The following GUCY1B1 variants were observed in gnomAD, a reference collection of about 807,000 sequenced individuals.
GUCY1B1 encodes the protein guanylate cyclase soluble subunit beta-1.
Under a neutral mutation model 71.0 loss-of-function variants are expected in GUCY1B1, and 43 were observed. The observed-to-expected ratio is 0.61, with a 90% CI of 0.47 to 0.78. The LOEUF is 0.78. Among genes scored for constraint, GUCY1B1 ranks in the 30% least tolerant of loss-of-function variants. The pLI is 0.00. For missense variants in GUCY1B1, 535 were observed against 754.1 expected (o/e 0.71, Z 3.40); for synonymous variants, 266 against 259.7 (o/e 1.02, Z -0.23).
intron 1 of GUCY1B1, 98 bp downstream of exon 1, chr4:155,759,241 C>A: frequency 8.0e-7 from 1 of 1,255,476 alleles, no homozygotes; most frequent in Non-Finnish European, 1.1e-6. Context: ...GGCTCGGGGG[C>A]CCTGGGCGCT....
chr4:155,776,513 T>C (rs1221114848), intron 3 of GUCY1B1, among the ~76,000 whole-genome samples: 2 of 151,924 alleles, frequency 1.3e-5, no homozygotes, highest in Non-Finnish European at 2.9e-5. Flanking sequence ...CTACTAAAAA[T>C]ACAAAAATTA....
chr4:155,805,291 G>A (rs914297522), intron 13 of GUCY1B1, 62 bp downstream of exon 13: 102 of 1,302,704 alleles, frequency 7.8e-5, no homozygotes, highest in Non-Finnish European at 1.1e-4. Context: ...GAAAACTAAA[G>A]CAAAATCACT....
intron 4 of GUCY1B1, among the ~76,000 whole-genome samples, chr4:155,784,635 C>T (rs1164963288): frequency 1.3e-5 from 2 of 152,104 alleles, no homozygotes; most frequent in Non-Finnish European, 2.9e-5. Flanking sequence ...TCTTGCAGAT[C>T]TAAACTGCAG....
chr4:155,774,756 A>G (rs1252618090), intron 2 of GUCY1B1, among the ~76,000 whole-genome samples: 1 of 152,172 alleles, frequency 6.6e-6, no homozygotes, highest in East Asian at 1.9e-4. Context: ...ATATACTTAA[A>G]TATATCATTT....
Position 155,793,769 on chromosome 4 carries a change from A to G in GUCY1B1, c.496-87A>G, listed in dbSNP as rs977693269. ...TTTTTGTAATTAATCTTCTAAATGC[A>G]GTATTCATAACTCATTTTTTATATT... On this transcript the variant is annotated intron_variant, in intron 5 of 13. Transcript: ENST00000264424. 3 of 651,678 alleles carry G rather than the reference A, an allele frequency of 4.6e-6. No individual in the cohort carries two copies. In the African/African-American group the frequency reaches 5.5e-5, roughly 12 times the overall value. 40.4% of individuals were successfully genotyped at this position (651,678 alleles called of 1,614,324 possible).
rs1264814361 is a variant in GUCY1B1, at chr4:155,802,392, A to G, written c.1226A>G (p.Lys409Arg). Residue 409 changes from lysine to arginine, a missense_variant, in exon 10 of 14, where the codon AAG (lysine) becomes AGG (arginine). Lys to Arg is a conservative substitution (Grantham distance 26). Coordinates refer to ENST00000264424, the MANE Select transcript of GUCY1B1 (RefSeq NM_000857.5). This position sits in a 1 kb window ranked among gnomAD's most constrained non-coding sequence, Gnocchi z 4.3. ...PPSVANELRHKRPVPAKRYDN... is the reference protein window; with the variant it reads ...PPSVANELRHRRPVPAKRYDN... ...TCTGTTGCCAATGAGCTGCGGCACA[A>G]GCGTCCAGTGCCTGCCAAAAGATAT... 1 of 1,613,496 alleles carries G rather than the reference A, an allele frequency of 6.2e-7. No homozygotes were observed. Among genetic ancestry groups the G allele is most frequent in the Non-Finnish European group, 8.5e-7 (1 of 1,179,604 alleles).
Position 155,804,762 on chromosome 4 carries a change from C to G in GUCY1B1, c.1709+15C>G, listed in dbSNP as rs1358050292. The stretch of plus-strand genomic sequence containing the variant: ...TATACATACAGGTGAGAGAAAATGT[C>G]TTGGTATTTACTGATTTGCAAAGAA... On this transcript the variant is annotated intron_variant, in intron 12 of 13. Coordinates refer to ENST00000264424, the MANE Select transcript of GUCY1B1 (RefSeq NM_000857.5). 6.2e-7 allele frequency: 1 copy of G among 1,601,908 alleles called. No individual in the cohort carries two copies. The highest frequency in any genetic ancestry group is 1.7e-5 in the Admixed American group (1 of 58,844).
chr4:155,787,753 T>C (rs910567347), intron 4 of GUCY1B1, among the ~76,000 whole-genome samples: 3 of 152,228 alleles, frequency 2.0e-5, no homozygotes, highest in Non-Finnish European at 4.4e-5. Context: ...AGAAAATTAA[T>C]GCTGTAAGTG....
intron 2 of GUCY1B1, among the ~76,000 whole-genome samples, chr4:155,761,356 A>ATG (rs1288013802): frequency 6.6e-6 from 1 of 152,102 alleles, no homozygotes; most frequent in African/African-American, 2.4e-5. Context: ...TGCTATATAT[A>ATG]TATATATTCT....
At chr4:155,783,685 T>C (rs1016152663) in intron 4 of GUCY1B1, among the ~76,000 whole-genome samples, 29 of 152,328 alleles carry the variant, frequency 1.9e-4, no homozygotes, top group African/African-American at 6.7e-4. Context: ...CAATCTGAGA[T>C]TGATGACTGA....
Position 155,793,837 on chromosome 4 carries a change from T to C in GUCY1B1, c.496-19T>C. The C allele has an allele frequency of 9.3e-7, 1 of 1,070,940 alleles. No homozygotes were observed. Among genetic ancestry groups the C allele is most frequent in the Non-Finnish European group, 1.5e-6 (1 of 687,446 alleles). 66.3% of individuals were successfully genotyped at this position (1,070,940 alleles called of 1,614,324 possible). On this transcript the variant is annotated intron_variant, in intron 5 of 13. Transcript: ENST00000264424. ...CTGAAATGAAGACAATTCATGCCAT[T>C]TCCCCCTTTGATATCCAGGTTATTC...
intron 2 of GUCY1B1, among the ~76,000 whole-genome samples, chr4:155,760,217 G>A (rs1199950042): frequency 2.6e-5 from 4 of 152,166 alleles, no homozygotes; most frequent in Non-Finnish European, 4.4e-5. Context: ...ACGGGCCTCC[G>A]CGAGGTTCCT....
intron 6 of GUCY1B1, among the ~76,000 whole-genome samples, chr4:155,794,859 T>A (rs1739439077): frequency 6.6e-6 from 1 of 152,188 alleles, no homozygotes; most frequent in South Asian, 2.1e-4. Flanking sequence ...TGTTCTGGCA[T>A]GAGAATAGAA....
chr4:155,806,497 G>T lies in GUCY1B1; in HGVS notation c.*88G>T, dbSNP rs1412735026. On this transcript the variant is annotated 3_prime_UTR_variant, in exon 14 of 14. Transcript: ENST00000264424. ...AAGCCCAGGAGCAGTTCTTCCCTAT[G>T]GATACAGATTTTCTTTTGTCCTTGT... The T allele has an allele frequency of 1.2e-6, 1 of 831,444 alleles. No individual in the cohort carries two copies. The highest frequency in any genetic ancestry group is 1.7e-5 in the African/African-American group (1 of 59,362). The allele number at this position is 831,444 out of a possible 1,614,324, so 51.5% of individuals were successfully genotyped here.
intron 4 of GUCY1B1, among the ~76,000 whole-genome samples, chr4:155,786,461 C>CTT (rs70954058): frequency 9.4e-4 from 35 of 37,158 alleles, no homozygotes; most frequent in Non-Finnish European, 1.2e-3. Flanking sequence ...TTCTTTCTTT[C>CTT]TTTTTTTTTT....
intron 5 of GUCY1B1, among the ~76,000 whole-genome samples, chr4:155,790,954 G>A (rs1739112191): frequency 6.6e-6 from 1 of 152,052 alleles, no homozygotes; most frequent in African/African-American, 2.4e-5. Context: ...CGGAAACCAC[G>A]ATTACTGTTG....
At chr4:155,799,228 CAA>C (rs1739776789) in intron 8 of GUCY1B1, among the ~76,000 whole-genome samples, 1 of 152,092 alleles carries the variant, frequency 6.6e-6, no homozygotes. Context: ...AAAAATGACA[CAA>C]GTTACAATGA....
Position 155,802,366 on chromosome 4 carries a change from G to A in GUCY1B1, c.1200G>A (p.Pro400=), listed in dbSNP as rs542873270. The A allele has an allele frequency of 4.2e-5, 67 of 1,613,674 alleles. No individual in the cohort carries two copies. In the East Asian group the frequency reaches 4.9e-4, roughly 12 times the overall value. The stretch of plus-strand genomic sequence containing the variant: ...GATTGCTGTATTCTGTCCTTCCTCC[G>A]TCTGTTGCCAATGAGCTGCGGCACA... ...TDTLLYSVLP[P]SVANELRHKR... is the part of the protein sequence containing the mutation. The change falls in exon 10 of 14, where the codon CCG becomes CCA. Residue 400 remains proline, a synonymous_variant. Transcript: ENST00000264424. The surrounding 1 kb of genome is among the most constrained non-coding windows in gnomAD (Gnocchi z 4.3).
At chr4:155,791,137 C>CA (rs1739123295) in intron 5 of GUCY1B1, among the ~76,000 whole-genome samples, 1 of 148,528 alleles carries the variant, frequency 6.7e-6, no homozygotes, top group African/African-American at 2.5e-5. Flanking sequence ...TTTTTTGAGA[C>CA]AGAGTCTCAC....
Sources: gnomAD v4.1 joint callset for allele counts (sites outside exome capture counted in the v4.1 genomes callset) on GRCh38, gnomAD v4.1.1 for gene constraint, Gnocchi (gnomAD v3.1) non-coding constraint, MANE v1.5 for transcripts, NCBI Gene and HGNC (gene_info 2026-07-23, HGNC 2026-07-21) for gene names.